The following UBE2D3 variants were observed in gnomAD, a reference collection of about 807,000 sequenced individuals.
UBE2D3 encodes the protein ubiquitin-conjugating enzyme E2 D3.
UBE2D3 carries 2 observed loss-of-function variants against 22.8 expected under a neutral mutation model. The ratio of observed to expected loss-of-function variants is 0.09; its 90% CI spans 0.04 to 0.28. The LOEUF (loss-of-function observed/expected upper bound fraction) is 0.28. UBE2D3 is among the 10% of genes least tolerant of loss of function. The probability of loss-of-function intolerance (pLI) is 1.00; values close to 1 mark genes in which losing one functional copy is unlikely to be tolerated. For synonymous variants in UBE2D3, 56 were observed against 60.4 expected (o/e 0.93, Z 0.34); for missense variants, 27 against 182.5 (o/e 0.15, Z 4.91).
chr4:102,823,034 T>C (rs1249069063), intron 2 of UBE2D3, among the ~76,000 whole-genome samples: 2 of 152,244 alleles, frequency 1.3e-5, no homozygotes, highest in South Asian at 2.1e-4. Context: ...GTTGTGTGAC[T>C]AGACGACTAT....
intron 1 of UBE2D3, chr4:102,843,299 C>CT (rs1731863458): frequency 6.6e-6 from 1 of 151,244 alleles, no homozygotes; most frequent in Non-Finnish European, 1.5e-5. Flanking sequence ...GATTTTGTTT[C>CT]ATTTTTTTTT....
chr4:102,861,324 T>C (rs1732891412), intron 1 of UBE2D3, among the ~76,000 whole-genome samples: 1 of 151,920 alleles, frequency 6.6e-6, no homozygotes, highest in Admixed American at 6.6e-5. Context: ...AAAATGGTAT[T>C]TGGTATTTCT....
Position 102,826,606 on chromosome 4 carries a change from G to T in UBE2D3, c.-98C>A. ...CCCGGCGGCGGGGCAGGATTGTCTCGTCTCACACCAGCTCTGCCAGACACA... is the reference window on the plus strand; with the variant it reads ...CCCGGCGGCGGGGCAGGATTGTCTCTTCTCACACCAGCTCTGCCAGACACA... On this transcript the variant is annotated 5_prime_UTR_variant, in exon 2 of 8. Coordinates refer to ENST00000453744, the MANE Select transcript of UBE2D3 (RefSeq NM_181891.3). 2 of 1,597,556 alleles carry T rather than the reference G, an allele frequency of 1.3e-6. No homozygotes were observed. The highest frequency in any genetic ancestry group is 1.7e-5 in the Admixed American group (1 of 58,430).
At position 102,826,773 on chromosome 4, in the gene UBE2D3, T is replaced by C. The variant is rs1730572324; in HGVS notation, c.-128-137A>G. ...GCCACCAACAGCCTCTGTACCGTGC[T>C]TTCGGCCCGAAGTGGGGGCGAGGGT... On this transcript the variant is annotated intron_variant, in intron 1 of 7. Coordinates refer to ENST00000453744, the MANE Select transcript of UBE2D3 (RefSeq NM_181891.3). 5 of 1,284,166 alleles carry C rather than the reference T, an allele frequency of 3.9e-6. 1 individual carries two copies. The East Asian group carries it at 9.7e-5, about 25-fold the overall frequency. 79.5% of individuals were successfully genotyped at this position (1,284,166 alleles called of 1,614,324 possible).
intron 2 of UBE2D3, 106 bp from the exon 3 acceptor site, chr4:102,809,961 T>TC: frequency 9.5e-7 from 1 of 1,049,490 alleles, no homozygotes; most frequent in South Asian, 1.3e-5. Context: ...AAAGGCACAC[T>TC]CCATCACAAT....
chr4:102,833,518 A>C (rs1271074471), intron 1 of UBE2D3, among the ~76,000 whole-genome samples: 1 of 152,234 alleles, frequency 6.6e-6, no homozygotes, highest in African/African-American at 2.4e-5. Context: ...ATAGATTACT[A>C]AAATCACAAA....
intron 7 of UBE2D3, among the ~76,000 whole-genome samples, chr4:102,798,744 A>C (rs767587720): frequency 6.6e-6 from 1 of 151,652 alleles, no homozygotes; most frequent in Non-Finnish European, 1.5e-5. Flanking sequence ...CAGTACTTTC[A>C]AGCAATAACG....
chr4:102,860,905 G>A (rs2110379624), intron 1 of UBE2D3, among the ~76,000 whole-genome samples: 2 of 152,022 alleles, frequency 1.3e-5, no homozygotes, highest in Middle Eastern at 6.8e-3. Flanking sequence ...GGGCTCATGG[G>A]TGAGCCTATG....
rs1365084810 is a variant in UBE2D3, at chr4:102,826,631, A to T, written c.-123T>A. The T allele has an allele frequency of 3.2e-6, 5 of 1,577,524 alleles. No homozygotes were observed. Among genetic ancestry groups the T allele is most frequent in the East Asian group, 2.2e-5 (1 of 44,700 alleles). On this transcript the variant is annotated 5_prime_UTR_variant, in exon 2 of 8. Coordinates refer to ENST00000453744, the MANE Select transcript of UBE2D3 (RefSeq NM_181891.3). ...GTCTCACACCAGCTCTGCCAGACAC[A>T]GGCGCCTTTTGCAAAAACGGAGCAG...
chr4:102,799,330 T>C, intron 7 of UBE2D3, 77 bp downstream of exon 7: 6 of 1,109,336 alleles, frequency 5.4e-6, no homozygotes, highest in East Asian at 2.4e-5. Context: ...CAAGTCTTCT[T>C]GGCACTGTCA....
upstream of UBE2D3, chr4:102,828,330 T>C (rs1730895103): frequency 1.1e-6 from 1 of 936,846 alleles, no homozygotes; most frequent in Non-Finnish European, 1.3e-6. Flanking sequence ...GAGCAGTATT[T>C]ACTCGCCTGC....
chr4:102,830,229 C>G (rs932044542), upstream of UBE2D3, among the ~76,000 whole-genome samples: 1 of 152,074 alleles, frequency 6.6e-6, no homozygotes, highest in African/African-American at 2.4e-5. Flanking sequence ...TACAGAGAGC[C>G]CACTTTACAG....
chr4:102,831,089 A>G (rs930659098), upstream of UBE2D3, among the ~76,000 whole-genome samples: 1 of 152,236 alleles, frequency 6.6e-6, no homozygotes, highest in Non-Finnish European at 1.5e-5. Context: ...GTTACAGAAT[A>G]TTATAACTTG....
At chr4:102,851,271 A>G (rs1018357041) in intron 1 of UBE2D3, among the ~76,000 whole-genome samples, 1 of 152,194 alleles carries the variant, frequency 6.6e-6, no homozygotes, top group Admixed American at 6.5e-5. Context: ...CAGAATGCAA[A>G]TAGATGTGAC....
intron 4 of UBE2D3, among the ~76,000 whole-genome samples, chr4:102,802,993 T>C (rs1036050890): frequency 1.3e-5 from 2 of 152,232 alleles, no homozygotes; most frequent in African/African-American, 4.8e-5. Flanking sequence ...ATGTAGATTA[T>C]TTCTTCCAAT....
At chr4:102,837,886 G>A (rs1005246376) in intron 1 of UBE2D3, among the ~76,000 whole-genome samples, 2 of 152,168 alleles carry the variant, frequency 1.3e-5, no homozygotes, top group African/African-American at 2.4e-5. Flanking sequence ...CCCGGGAGGC[G>A]GAGCTTGCAG....
intron 2 of UBE2D3, among the ~76,000 whole-genome samples, chr4:102,819,195 T>C (rs1035969214): frequency 9.9e-5 from 15 of 152,058 alleles, no homozygotes; most frequent in African/African-American, 3.6e-4. Context: ...CCGGGCATGA[T>C]GGCGGGTGCC....
At chr4:102,823,158 T>G (rs1168008493) in intron 2 of UBE2D3, among the ~76,000 whole-genome samples, 1 of 152,140 alleles carries the variant, frequency 6.6e-6, no homozygotes, top group African/African-American at 2.4e-5. Context: ...ACTACTGTAA[T>G]AGATAATACT....
At chr4:102,860,526 C>T (rs1056692672) in intron 1 of UBE2D3, among the ~76,000 whole-genome samples, 3 of 151,850 alleles carry the variant, frequency 2.0e-5, no homozygotes, top group East Asian at 3.9e-4. Flanking sequence ...AAGGGAAAGA[C>T]GTTCACCAGT....
Sources: allele counts gnomAD v4.1 joint callset (sites outside exome capture counted in the v4.1 genomes callset), GRCh38; gene constraint gnomAD v4.1.1; transcripts MANE v1.5; gene names NCBI Gene and HGNC (gene_info 2026-07-23, HGNC 2026-07-21).